The following APP variants were observed in gnomAD, a reference collection of about 807,000 sequenced individuals.
APP encodes amyloid beta precursor protein, also known as amyloid-beta precursor protein.
In APP, 31 loss-of-function variants were observed where a neutral mutation model predicts 101.4. That is an observed-to-expected ratio of 0.31 (90% CI 0.23 to 0.41). The LOEUF (loss-of-function observed/expected upper bound fraction) is 0.41, where lower values mean the gene tolerates loss of function less well. Among genes scored for constraint, APP ranks in the 10% least tolerant of loss-of-function variants. The pLI, the probability that APP is intolerant of heterozygous loss-of-function variation, is 1.00. For missense variants in APP, 839 were observed against 1,003.7 expected (o/e 0.84, Z 2.22); for synonymous variants, 366 against 364.4 (o/e 1.00, Z -0.05).
At chr21:26,052,106 G>A (rs944513930) in intron 4 of APP, among the ~76,000 whole-genome samples, 6 of 152,056 alleles carry the variant, frequency 3.9e-5, no homozygotes, top group African/African-American at 1.4e-4. Flanking sequence ...TTTTATAAGA[G>A]GCATAAAATA....
chr21:26,001,325 C>T (rs1017051583), intron 6 of APP, among the ~76,000 whole-genome samples: 4 of 152,130 alleles, frequency 2.6e-5, no homozygotes, highest in African/African-American at 9.7e-5. Context: ...CCATGTATAT[C>T]CCATTTTTAT....
In APP at chr21:26,084,470, A is replaced by C. The variant is rs190572946; in HGVS notation, c.355+5473T>G. Among the ~76,000 whole-genome samples the C allele has an allele frequency of 4.3e-3, 651 of 152,000 alleles. 8 individuals are homozygous for C. The highest frequency in any genetic ancestry group is 0.015 in the African/African-American group (627 of 41,474). On this transcript the variant is annotated intron_variant, in intron 3 of 17. Transcript: ENST00000346798. ...TAGCCAAGACAGTCTCAATCTCCTG[A>C]CCTTGCGATCCGCCCATCTCGGCCT...
chr21:26,136,489 G>A (rs1318592780), intron 1 of APP, among the ~76,000 whole-genome samples: 1 of 151,978 alleles, frequency 6.6e-6, no homozygotes, highest in Non-Finnish European at 1.5e-5. Context: ...TGCTCCCTAA[G>A]GAAAACTGAA....
intron 13 of APP, among the ~76,000 whole-genome samples, chr21:25,935,668 C>A (rs913665400): frequency 6.6e-6 from 1 of 151,836 alleles, no homozygotes; most frequent in Non-Finnish European, 1.5e-5. Context: ...ACTGAAACCC[C>A]GTCTCTACTA....
chr21:26,057,319 T>C lies in APP; in HGVS notation c.356-3971A>G, dbSNP rs373166444. Among the ~76,000 whole-genome samples, 10 of 152,364 alleles carry C rather than the reference T, an allele frequency of 6.6e-5. No individual in the cohort carries two copies. In the East Asian group the frequency reaches 1.3e-3, roughly 21 times the overall value. On this transcript the variant is annotated intron_variant, in intron 3 of 17. Transcript: ENST00000346798. ...AATTAAACATCATAATGAGAAATCATGTTCCTGTTTACAGCAAACTTTAGG... is the reference window on the plus strand; with the variant it reads ...AATTAAACATCATAATGAGAAATCACGTTCCTGTTTACAGCAAACTTTAGG...
intron 8 of APP, among the ~76,000 whole-genome samples, chr21:25,992,122 C>T (rs1051833207): frequency 3.3e-5 from 5 of 152,198 alleles, no homozygotes; most frequent in Non-Finnish European, 5.9e-5. Context: ...GTGGCTCACA[C>T]GTGTAATCGA....
intron 5 of APP, among the ~76,000 whole-genome samples, chr21:26,027,564 C>T (rs1168930831): frequency 6.6e-6 from 1 of 152,186 alleles, no homozygotes; most frequent in East Asian, 1.9e-4. Context: ...CAAGGGGACA[C>T]ATCACCTAAT....
At chr21:26,123,017 T>C (rs1002017370) in intron 1 of APP, among the ~76,000 whole-genome samples, 4 of 152,180 alleles carry the variant, frequency 2.6e-5, no homozygotes, top group Non-Finnish European at 2.9e-5. Context: ...TAAATAAGTA[T>C]ATTATATAAG....
At chr21:25,908,195 A>G (rs974815273) in intron 14 of APP, among the ~76,000 whole-genome samples, 17 of 152,254 alleles carry the variant, frequency 1.1e-4, no homozygotes, top group Admixed American at 3.9e-4. Context: ...TTCTGTAACA[A>G]CAGCTTCATT....
chr21:25,937,561 T>C (rs1450231197), intron 13 of APP, among the ~76,000 whole-genome samples: 2 of 152,202 alleles, frequency 1.3e-5, no homozygotes, highest in Non-Finnish European at 2.9e-5. Flanking sequence ...AATATCACTT[T>C]GGATTTGAAG....
At chr21:26,098,326 T>TC in intron 2 of APP, among the ~76,000 whole-genome samples, 1 of 152,108 alleles carries the variant, frequency 6.6e-6, no homozygotes, top group Non-Finnish European at 1.5e-5. Flanking sequence ...GTCTCTCTTC[T>TC]CACTATCTCT....
chr21:25,898,283 A>C (rs2038213904), intron 15 of APP, among the ~76,000 whole-genome samples: 1 of 152,198 alleles, frequency 6.6e-6, no homozygotes, highest in Non-Finnish European at 1.5e-5. Context: ...AATTTTAAAA[A>C]TGCTTCTTAG....
At chr21:25,883,038 A>G (rs562700821) in intron 17 of APP, among the ~76,000 whole-genome samples, 8 of 152,314 alleles carry the variant, frequency 5.3e-5, no homozygotes, top group African/African-American at 1.9e-4. Context: ...GCAGTAAGAC[A>G]TGAGGTCTCG....
intron 1 of APP, among the ~76,000 whole-genome samples, chr21:26,161,194 C>A (rs762909147): frequency 9.7e-4 from 147 of 152,324 alleles, no homozygotes; most frequent in Non-Finnish European, 1.6e-3. Flanking sequence ...ACAATCAACA[C>A]TAACTTCTCT....
At chr21:26,035,808 A>G (rs907386081) in intron 5 of APP, among the ~76,000 whole-genome samples, 4 of 152,202 alleles carry the variant, frequency 2.6e-5, no homozygotes, top group Admixed American at 1.3e-4. Context: ...CTCCAGCAAG[A>G]AACAATGGGA....
At position 26,170,721 on chromosome 21, in the gene APP, C is replaced by T; in HGVS notation, c.-101G>A. On this transcript the variant is annotated 5_prime_UTR_variant, in exon 1 of 18. Transcript: ENST00000346798. The stretch of plus-strand genomic sequence containing the variant: ...CACCGCCGCCGTCTCCCGGGGCCCC[C>T]GCGCACGCTCCTCCGCGTGCTCTCG... 3 of 1,246,174 alleles carry T rather than the reference C, an allele frequency of 2.4e-6. No homozygotes were observed. Among genetic ancestry groups the T allele is most frequent in the Non-Finnish European group, 2.1e-6 (2 of 943,942 alleles). 77.2% of individuals were successfully genotyped at this position (1,246,174 alleles called of 1,614,324 possible). A position where few individuals can be genotyped will look rare whatever the true frequency, so the allele number is the denominator to read the frequency against.
chr21:25,889,397 G>A (rs576194952), intron 17 of APP, among the ~76,000 whole-genome samples: 5 of 152,288 alleles, frequency 3.3e-5, no homozygotes, highest in South Asian at 2.1e-4. Flanking sequence ...CCAGAAATGT[G>A]AGAGGGTAAA....
intron 3 of APP, among the ~76,000 whole-genome samples, chr21:26,079,113 C>T (rs1039418193): frequency 6.6e-6 from 1 of 150,788 alleles, no homozygotes; most frequent in African/African-American, 2.4e-5. Context: ...GAAAATGACA[C>T]GATGAGAAGA....
At chr21:25,964,237 G>A (rs1217276729) in intron 11 of APP, among the ~76,000 whole-genome samples, 1 of 152,140 alleles carries the variant, frequency 6.6e-6, no homozygotes. Context: ...TCTCCTTCCC[G>A]TGGAAGCAGA....
Sources: allele counts gnomAD v4.1 joint callset (sites outside exome capture counted in the v4.1 genomes callset), GRCh38; gene constraint gnomAD v4.1.1; transcripts MANE v1.5; gene names NCBI Gene and HGNC (gene_info 2026-07-23, HGNC 2026-07-21).